Variants in RNGTT observed in about 807,000 individuals in gnomAD.
RNGTT encodes the protein mRNA-capping enzyme.
Under a neutral mutation model 79.3 loss-of-function variants are expected in RNGTT, and 33 were observed. The ratio of observed to expected loss-of-function variants is 0.42; its 90% CI spans 0.32 to 0.56. The LOEUF is 0.56. Ranked by LOEUF, RNGTT falls within the 20% of genes least tolerant of loss-of-function variation. The pLI, the probability that RNGTT is intolerant of heterozygous loss-of-function variation, is 0.17. For synonymous variants in RNGTT, 222 were observed against 235.9 expected (o/e 0.94, Z 0.54); for missense variants, 497 against 739.1 (o/e 0.67, Z 3.80).
chr6:88,611,868 G>A lies in RNGTT; in HGVS notation c.*851C>T, dbSNP rs988573465. ...ATCACAGTGAGTTGTGTGTTTTAAC[G>A]TAATTTACAATGTGCTGATACCACT... On this transcript the variant is annotated 3_prime_UTR_variant, in exon 16 of 16. Transcript: ENST00000369485. 18 of 152,556 alleles carry A rather than the reference G, an allele frequency of 1.2e-4. No homozygotes were observed. Among genetic ancestry groups the A allele is most frequent in the African/African-American group, 4.3e-4 (18 of 41,418 alleles). The allele number at this position is 152,556 out of a possible 1,614,324, so 9.5% of individuals were successfully genotyped here.
Position 88,741,221 on chromosome 6 carries a change from T to C in RNGTT, c.1439+28553A>G, listed in dbSNP as rs143644598. ...AGGTGCCCATCAACAGTGGATTCGA[T>C]AAAGAAAATGTGGTACACATACACC... On this transcript the variant is annotated intron_variant, in intron 13 of 15. Coordinates refer to ENST00000369485, the MANE Select transcript of RNGTT (RefSeq NM_003800.5). 4.3e-3 allele frequency among the ~76,000 whole-genome samples: 654 copies of C among 152,064 alleles called. 4 individuals carry two copies. Among genetic ancestry groups the C allele is most frequent in the African/African-American group, 0.014 (600 of 41,480 alleles).
intron 13 of RNGTT, among the ~76,000 whole-genome samples, chr6:88,726,898 T>G (rs1416284131): frequency 6.6e-6 from 1 of 152,138 alleles, no homozygotes; most frequent in Non-Finnish European, 1.5e-5. Flanking sequence ...GTAACATGCA[T>G]TATCCTAACT....
intron 11 of RNGTT, among the ~76,000 whole-genome samples, chr6:88,840,196 A>G (rs1230443947): frequency 1.3e-5 from 2 of 152,206 alleles, no homozygotes; most frequent in Non-Finnish European, 2.9e-5. Flanking sequence ...CACAGCAATA[A>G]CCTGTCAATT....
intron 14 of RNGTT, among the ~76,000 whole-genome samples, chr6:88,672,189 G>T (rs981656798): frequency 1.4e-5 from 2 of 147,720 alleles, no homozygotes; most frequent in Non-Finnish European, 3.0e-5. Flanking sequence ...CAGAGTAGGA[G>T]AAAATGTATA....
At chr6:88,880,950 T>G (rs865993435) in intron 8 of RNGTT, among the ~76,000 whole-genome samples, 35 of 152,298 alleles carry the variant, frequency 2.3e-4, no homozygotes, top group Middle Eastern at 6.8e-3. Flanking sequence ...AAAAAGCAGA[T>G]TTCACAATTA....
intron 1 of RNGTT, among the ~76,000 whole-genome samples, chr6:88,949,162 A>G (rs1785150726): frequency 9.9e-6 from 1 of 101,456 alleles, no homozygotes; most frequent in East Asian, 1.3e-3. Context: ...ATAAAATGAA[A>G]AAAAAAAAAA....
chr6:88,649,461 G>A lies in RNGTT; in HGVS notation c.1506+28892C>T, dbSNP rs533034631. Among the ~76,000 whole-genome samples the A allele has an allele frequency of 3.3e-5, 5 of 152,362 alleles. No individual in the cohort carries two copies. In the South Asian group the frequency reaches 1.0e-3, roughly 32 times the overall value. ...CGCCTGTAATCCCAGCACTTTGGGA[G>A]GCCGAGGCGGTGGATCACGAGGTCA... On this transcript the variant is annotated intron_variant, in intron 14 of 15. Coordinates refer to ENST00000369485, the MANE Select transcript of RNGTT (RefSeq NM_003800.5).
chr6:88,836,023 C>CACACACACACAT (rs1554222128), intron 11 of RNGTT, among the ~76,000 whole-genome samples: 3 of 92,094 alleles, frequency 3.3e-5, no homozygotes, highest in Non-Finnish European at 7.9e-5. Flanking sequence ...CACACACACA[C>CACACACACACAT]ATATATATAT....
intron 8 of RNGTT, among the ~76,000 whole-genome samples, chr6:88,865,656 G>T (rs1482358202): frequency 6.6e-6 from 1 of 152,072 alleles, no homozygotes; most frequent in Non-Finnish European, 1.5e-5. Context: ...CTGAATGAGC[G>T]ATAACTCAAA....
chr6:88,926,481 A>C (rs1459749502), intron 4 of RNGTT, among the ~76,000 whole-genome samples: 1 of 152,250 alleles, frequency 6.6e-6, no homozygotes, highest in Non-Finnish European at 1.5e-5. Context: ...TTTGGTTAGA[A>C]CAACATTAAA....
At chr6:88,651,065 G>A (rs1247403568) in intron 14 of RNGTT, among the ~76,000 whole-genome samples, 1 of 151,768 alleles carries the variant, frequency 6.6e-6, no homozygotes, top group African/African-American at 2.4e-5. Context: ...GCAGAGGTGA[G>A]ATTATAACTT....
At chr6:88,709,558 A>T (rs1487631217) in intron 13 of RNGTT, among the ~76,000 whole-genome samples, 4 of 152,254 alleles carry the variant, frequency 2.6e-5, no homozygotes, top group Non-Finnish European at 1.5e-5. Context: ...ATATAATTTT[A>T]GATTTTGTAG....
At chr6:88,631,801 T>C (rs1036794715) in intron 14 of RNGTT, among the ~76,000 whole-genome samples, 3 of 142,236 alleles carry the variant, frequency 2.1e-5, no homozygotes, top group Non-Finnish European at 4.5e-5. Flanking sequence ...CATGTGATAG[T>C]AGGCTATATA....
At chr6:88,867,753 T>C (rs1232102665) in intron 8 of RNGTT, among the ~76,000 whole-genome samples, 1 of 152,210 alleles carries the variant, frequency 6.6e-6, no homozygotes, top group Non-Finnish European at 1.5e-5. Flanking sequence ...ATCAGTCTTC[T>C]AATTTTCACA....
chr6:88,842,321 T>TA (rs553665631), intron 11 of RNGTT, among the ~76,000 whole-genome samples: 37 of 151,802 alleles, frequency 2.4e-4, no homozygotes, highest in South Asian at 8.3e-4. Context: ...TTATATGTCT[T>TA]AAAAAAAACA....
intron 14 of RNGTT, among the ~76,000 whole-genome samples, chr6:88,667,543 G>A (rs1774462784): frequency 1.3e-5 from 2 of 152,122 alleles, no homozygotes; most frequent in African/African-American, 2.4e-5. Context: ...CAAATGTGGA[G>A]GTAACAAGTA....
chr6:88,934,439 T>C (rs904511586), intron 2 of RNGTT, among the ~76,000 whole-genome samples: 1 of 152,168 alleles, frequency 6.6e-6, no homozygotes, highest in Non-Finnish European at 1.5e-5. Flanking sequence ...CATTTTTTCA[T>C]ATATCTGTTG....
intron 13 of RNGTT, among the ~76,000 whole-genome samples, chr6:88,713,210 A>G (rs910364706): frequency 4.6e-5 from 7 of 152,144 alleles, no homozygotes; most frequent in Non-Finnish European, 1.5e-5. Context: ...ATGAGACTCA[A>G]TAACACTTGC....
At chr6:88,953,279 C>T (rs1449116629) in intron 1 of RNGTT, among the ~76,000 whole-genome samples, 1 of 151,974 alleles carries the variant, frequency 6.6e-6, no homozygotes, top group African/African-American at 2.4e-5. Context: ...AAAGAAAAAA[C>T]AATCACAAAT....
Sources: gnomAD v4.1 joint callset for allele counts (sites outside exome capture counted in the v4.1 genomes callset) on GRCh38, gnomAD v4.1.1 for gene constraint, MANE v1.5 for transcripts, NCBI Gene and HGNC (gene_info 2026-07-23, HGNC 2026-07-21) for gene names.